The following BTBD9 variants were observed in gnomAD, a reference collection of about 807,000 sequenced individuals.
BTBD9 encodes the protein BTB domain containing 9.
In BTBD9, 49 loss-of-function variants were observed where a neutral mutation model predicts 64.3. The observed-to-expected ratio is 0.76, with a 90% CI of 0.61 to 0.97. The LOEUF is 0.97. Ranked by LOEUF, BTBD9 falls within the 50% of genes least tolerant of loss-of-function variation. The probability of loss-of-function intolerance (pLI) is 0.00; values close to 1 mark genes in which losing one functional copy is unlikely to be tolerated. For missense variants in BTBD9, 598 were observed against 762.1 expected (o/e 0.78, Z 2.53); for synonymous variants, 260 against 274.7 (o/e 0.95, Z 0.53).
intron 1 of BTBD9, among the ~76,000 whole-genome samples, chr6:38,606,853 G>A (rs529086251): frequency 3.3e-5 from 5 of 151,968 alleles, no homozygotes; most frequent in South Asian, 2.1e-4. Context: ...GACAAGATTC[G>A]GTAATTTGTC....
At chr6:38,546,287 A>AG (rs1285417317) in intron 6 of BTBD9, among the ~76,000 whole-genome samples, 1 of 152,230 alleles carries the variant, frequency 6.6e-6, no homozygotes, top group Non-Finnish European at 1.5e-5. Context: ...CAAGAATATC[A>AG]GAGTGGAAAG....
chr6:38,374,704 C>A (rs1765615295), intron 6 of BTBD9, among the ~76,000 whole-genome samples: 1 of 152,102 alleles, frequency 6.6e-6, no homozygotes, highest in Admixed American at 6.5e-5. Context: ...CAACAGACAC[C>A]TTCAGAGACA....
At chr6:38,391,633 CTT>C (rs11350619) in intron 6 of BTBD9, among the ~76,000 whole-genome samples, 9,057 of 141,078 alleles carry the variant, frequency 0.064, 802 homozygotes, top group African/African-American at 0.2. Context: ...GCTTGTTTTT[CTT>C]TTTTTTTTTT....
intron 8 of BTBD9, among the ~76,000 whole-genome samples, chr6:38,283,982 T>A (rs781306082): frequency 3.3e-5 from 5 of 152,176 alleles, no homozygotes; most frequent in Non-Finnish European, 7.3e-5. Context: ...TCTGGCCACA[T>A]CAACTGTCGC....
chr6:38,205,749 T>C (rs1762617450), intron 9 of BTBD9, among the ~76,000 whole-genome samples: 1 of 150,980 alleles, frequency 6.6e-6, no homozygotes, highest in Non-Finnish European at 1.5e-5. Context: ...CCAGGCATGG[T>C]GGTGCGCACC....
At chr6:38,478,467 T>C (rs1770992639) in intron 6 of BTBD9, among the ~76,000 whole-genome samples, 1 of 152,184 alleles carries the variant, frequency 6.6e-6, no homozygotes, top group Admixed American at 6.5e-5. Flanking sequence ...GAGAATTACA[T>C]GGCCGGCAGT....
At chr6:38,228,345 C>CT (rs1763474746) in intron 9 of BTBD9, among the ~76,000 whole-genome samples, 4 of 67,848 alleles carry the variant, frequency 5.9e-5, no homozygotes, top group African/African-American at 1.5e-4. Flanking sequence ...ACCCTGTCCC[C>CT]CCCCCCAAAA....
intron 8 of BTBD9, among the ~76,000 whole-genome samples, chr6:38,287,107 T>A (rs12201930): frequency 0.11 from 6,381 of 56,364 alleles, 276 homozygotes; most frequent in African/African-American, 0.19. Context: ...AAAAAAAAAA[T>A]ATACACACAC....
intron 6 of BTBD9, among the ~76,000 whole-genome samples, chr6:38,456,280 G>A (rs993869494): frequency 2.6e-5 from 4 of 152,292 alleles, no homozygotes; most frequent in Non-Finnish European, 5.9e-5. Context: ...GAGCCACTGT[G>A]CCCGACTTGT....
chr6:38,283,629 CT>C (rs1761606211), intron 8 of BTBD9, among the ~76,000 whole-genome samples: 3 of 152,144 alleles, frequency 2.0e-5, no homozygotes, highest in African/African-American at 7.2e-5. Flanking sequence ...AGACCTTTGC[CT>C]CTGTAGTCAC....
chr6:38,438,342 T>C (rs1024117606), intron 6 of BTBD9, among the ~76,000 whole-genome samples: 1 of 152,102 alleles, frequency 6.6e-6, no homozygotes, highest in African/African-American at 2.4e-5. Context: ...ATCCTCAGCA[T>C]AAGCCTGGGC....
intron 1 of BTBD9, among the ~76,000 whole-genome samples, chr6:38,604,307 C>T (rs9380759): frequency 1.9e-4 from 29 of 150,840 alleles, no homozygotes; most frequent in Non-Finnish European, 3.5e-4. Flanking sequence ...AAATATGCTC[C>T]GGTTTGACCA....
chr6:38,551,121 C>G (rs1774785068), intron 6 of BTBD9, among the ~76,000 whole-genome samples: 1 of 137,894 alleles, frequency 7.3e-6, no homozygotes. Context: ...CATCCTCTTC[C>G]CTGCTTTATT....
At chr6:38,460,755 C>T (rs1770045842) in intron 6 of BTBD9, among the ~76,000 whole-genome samples, 1 of 152,174 alleles carries the variant, frequency 6.6e-6, no homozygotes, top group Admixed American at 6.5e-5. Flanking sequence ...TCCCAAGTAG[C>T]TGGGACTACA....
At chr6:38,563,877 T>G (rs1240930396) in intron 6 of BTBD9, among the ~76,000 whole-genome samples, 3 of 149,648 alleles carry the variant, frequency 2.0e-5, no homozygotes, top group Non-Finnish European at 4.4e-5. Context: ...CGCCTCCCGG[T>G]TCCATGCCAT....
intron 6 of BTBD9, among the ~76,000 whole-genome samples, chr6:38,405,868 C>T (rs747330661): frequency 6.6e-6 from 1 of 152,106 alleles, no homozygotes; most frequent in Non-Finnish European, 1.5e-5. Flanking sequence ...AATAATTCTC[C>T]ATGTCAGCTG....
chr6:38,327,895 T>A (rs1267273914), intron 7 of BTBD9, among the ~76,000 whole-genome samples: 1 of 152,166 alleles, frequency 6.6e-6, no homozygotes, highest in Admixed American at 6.5e-5. Flanking sequence ...CATGAAGAAA[T>A]TACCCTGTCT....
At chr6:38,605,479 C>T (rs1397175941) in intron 1 of BTBD9, among the ~76,000 whole-genome samples, 1 of 152,178 alleles carries the variant, frequency 6.6e-6, no homozygotes, top group Admixed American at 6.5e-5. Flanking sequence ...AGATGCAGGG[C>T]TGAAGGTAGT....
At chr6:38,440,011 G>A (rs1199708787) in intron 6 of BTBD9, among the ~76,000 whole-genome samples, 1 of 152,168 alleles carries the variant, frequency 6.6e-6, no homozygotes, top group Non-Finnish European at 1.5e-5. Flanking sequence ...GCTAGCTCAG[G>A]AGTATGGCTT....
Sources: gnomAD v4.1 joint callset for allele counts (sites outside exome capture counted in the v4.1 genomes callset) on GRCh38, gnomAD v4.1.1 for gene constraint, MANE v1.5 for transcripts, NCBI Gene and HGNC (gene_info 2026-07-23, HGNC 2026-07-21) for gene names.